The following ADAMTSL1 variants were observed in gnomAD, a reference collection of about 807,000 sequenced individuals.
ADAMTSL1 encodes ADAMTS like 1.
In ADAMTSL1, 126 loss-of-function variants were observed where a neutral mutation model predicts 201.8. The ratio of observed to expected loss-of-function variants is 0.62; its 90% confidence interval spans 0.54 to 0.72. ADAMTSL1 has a LOEUF of 0.72. ADAMTSL1 is among the 30% of genes least tolerant of loss of function. The probability of loss-of-function intolerance (pLI) is 0.00; values close to 1 mark genes in which losing one functional copy is unlikely to be tolerated. For missense variants in ADAMTSL1, 2,679 were observed against 2,277.8 expected (o/e 1.18, Z -3.59); for synonymous variants, 1,121 against 903.4 (o/e 1.24, Z -4.32).
Position 18,719,430 on chromosome 9 carries a change from C to T in ADAMTSL1, c.1877-2106C>T, listed in dbSNP as rs557245935. On this transcript the variant is annotated intron_variant, in intron 14 of 28. Transcript: ENST00000380548. ...TGGTGTGATCTCAGCTCACTGCAAC[C>T]TTCATCTCCCTGCAACCTTCACCTC... Among the ~76,000 whole-genome samples the T allele has an allele frequency of 4.6e-5, 7 of 152,238 alleles. No individual in the cohort carries two copies. The East Asian group carries it at 1.4e-3, about 29-fold the overall frequency.
At chr9:18,480,817 G>A (rs1821688372) in intron 1 of ADAMTSL1, among the ~76,000 whole-genome samples, 1 of 152,128 alleles carries the variant, frequency 6.6e-6, no homozygotes, top group Non-Finnish European at 1.5e-5. Flanking sequence ...GTATGTGTCA[G>A]TACTACAGGG....
At chr9:18,855,008 TTGAG>T (rs1826750987) in intron 23 of ADAMTSL1, among the ~76,000 whole-genome samples, 1 of 152,212 alleles carries the variant, frequency 6.6e-6, no homozygotes, top group East Asian at 1.9e-4. Context: ...TGATGCCTCT[TTGAG>T]TGGGAACCTA....
chr9:18,406,337 T>C (rs72686891), intron 2 of ADAMTSL1, among the ~76,000 whole-genome samples: 2,886 of 109,784 alleles, frequency 0.026, 43 homozygotes, highest in East Asian at 0.032. Context: ...TTCTTTTCTT[T>C]TCTTTTTTTG....
At chr9:18,323,371 A>G (rs1377887006) in intron 2 of ADAMTSL1, among the ~76,000 whole-genome samples, 1 of 152,214 alleles carries the variant, frequency 6.6e-6, no homozygotes, top group Non-Finnish European at 1.5e-5. Context: ...CAAATTAGAA[A>G]GAGAAGGAAC....
At chr9:18,886,185 T>TACACAC (rs1489314069) in intron 23 of ADAMTSL1, among the ~76,000 whole-genome samples, 1 of 127,070 alleles carries the variant, frequency 7.9e-6, no homozygotes, top group African/African-American at 3.1e-5. Context: ...TATATATATA[T>TACACAC]ATATATATAT....
At chr9:18,636,270 C>T (rs1021554142) in intron 6 of ADAMTSL1, among the ~76,000 whole-genome samples, 1 of 152,142 alleles carries the variant, frequency 6.6e-6, no homozygotes, top group Admixed American at 6.6e-5. Context: ...ATGGGTTAAG[C>T]ACATGTTTAT....
chr9:17,928,799 T>A (rs1241379103), intron 1 of ADAMTSL1, among the ~76,000 whole-genome samples: 1 of 152,084 alleles, frequency 6.6e-6, no homozygotes, highest in East Asian at 1.9e-4. Flanking sequence ...CCATACTATG[T>A]GAAAGGAGGT....
chr9:18,173,455 A>C (rs542463567), intron 2 of ADAMTSL1, among the ~76,000 whole-genome samples: 1 of 152,234 alleles, frequency 6.6e-6, no homozygotes, highest in South Asian at 2.1e-4. Context: ...CTTTTTTTAC[A>C]CTTGACCTTT....
At chr9:18,042,947 T>A (rs1821492107) in intron 1 of ADAMTSL1, among the ~76,000 whole-genome samples, 1 of 152,156 alleles carries the variant, frequency 6.6e-6, no homozygotes, top group African/African-American at 2.4e-5. Context: ...CCTATGTAAA[T>A]GCTTCATGAT....
chr9:18,375,751 C>T (rs576024090), intron 2 of ADAMTSL1, among the ~76,000 whole-genome samples: 11 of 152,338 alleles, frequency 7.2e-5, no homozygotes, highest in East Asian at 1.9e-4. Flanking sequence ...GGGACCCCAG[C>T]GGGTTGCCAC....
chr9:18,834,113 G>A (rs762264290), intron 23 of ADAMTSL1, among the ~76,000 whole-genome samples: 9 of 152,074 alleles, frequency 5.9e-5, no homozygotes, highest in Non-Finnish European at 1.3e-4. Flanking sequence ...TTTGAAGTTG[G>A]GTAGCGTGAT....
intron 2 of ADAMTSL1, among the ~76,000 whole-genome samples, chr9:18,189,756 T>G (rs1828893536): frequency 6.6e-6 from 1 of 152,306 alleles, no homozygotes; most frequent in Non-Finnish European, 1.5e-5. Context: ...TAGAACTGTG[T>G]TTGGCAAGAT....
At chr9:18,057,837 T>C (rs902246250) in intron 1 of ADAMTSL1, among the ~76,000 whole-genome samples, 15 of 152,344 alleles carry the variant, frequency 9.8e-5, no homozygotes, top group Middle Eastern at 3.4e-3. Context: ...AGTTTTAATG[T>C]CACTATTTGA....
intron 5 of ADAMTSL1, among the ~76,000 whole-genome samples, chr9:18,634,416 A>T (rs1826968509): frequency 6.6e-6 from 1 of 152,030 alleles, no homozygotes; most frequent in South Asian, 2.1e-4. Flanking sequence ...TACAAAAACC[A>T]TCTGGGCGTA....
chr9:18,038,781 A>G (rs757276883), intron 1 of ADAMTSL1, among the ~76,000 whole-genome samples: 10 of 152,226 alleles, frequency 6.6e-5, no homozygotes, highest in Non-Finnish European at 1.5e-4. Context: ...GCATCTAACA[A>G]GAAAGTAAAG....
At chr9:18,707,123 T>C (rs752243422) in intron 14 of ADAMTSL1, 75 bp downstream of exon 14, 10 of 1,508,030 alleles carry the variant, frequency 6.6e-6, no homozygotes, top group Non-Finnish European at 8.9e-6. Flanking sequence ...AGCTGGATCA[T>C]GTGACTGCCT....
chr9:18,875,485 T>C (rs1828091681), intron 23 of ADAMTSL1, among the ~76,000 whole-genome samples: 1 of 152,214 alleles, frequency 6.6e-6, no homozygotes, highest in African/African-American at 2.4e-5. Flanking sequence ...AATTTTTTAA[T>C]TTCTACCTTG....
At chr9:18,132,871 T>A (rs1826007980) in intron 1 of ADAMTSL1, among the ~76,000 whole-genome samples, 1 of 152,168 alleles carries the variant, frequency 6.6e-6, no homozygotes, top group Non-Finnish European at 1.5e-5. Context: ...TTATAACATG[T>A]TTATTTTCCT....
chr9:18,230,380 T>G (rs1223584059), intron 2 of ADAMTSL1, among the ~76,000 whole-genome samples: 2 of 152,146 alleles, frequency 1.3e-5, no homozygotes, highest in Admixed American at 6.5e-5. Flanking sequence ...AGTTAAAAGT[T>G]GGCTGGGAGA....
Sources: allele counts gnomAD v4.1 joint callset (sites outside exome capture counted in the v4.1 genomes callset), GRCh38; gene constraint gnomAD v4.1.1; transcripts MANE v1.5; gene names NCBI Gene and HGNC (gene_info 2026-07-23, HGNC 2026-07-21).